Variants in COL18A1 observed in about 807,000 individuals in gnomAD.
The protein encoded by COL18A1 is collagen type XVIII alpha 1 chain, also known as collagen alpha-1(XVIII) chain.
Under a neutral mutation model 168.0 loss-of-function variants are expected in COL18A1, and 133 were observed. The ratio of observed to expected loss-of-function variants is 0.79; its 90% CI spans 0.69 to 0.91. The LOEUF (loss-of-function observed/expected upper bound fraction) is 0.91, where lower values mean the gene tolerates loss of function less well. Among genes scored for constraint, COL18A1 ranks in the 40% least tolerant of loss-of-function variants. The pLI is 0.00. For missense variants in COL18A1, 2,126 were observed against 1,925.4 expected, an observed-to-expected ratio of 1.10 and a Z score of -1.95; for synonymous variants, 949 against 809.0, an observed-to-expected ratio of 1.17 and a Z score of -2.94.
intron 5 of COL18A1, among the ~76,000 whole-genome samples, 182 bp from the exon 6 acceptor site, chr21:45,476,169 G>A (rs868607670): frequency 6.6e-6 from 1 of 152,234 alleles, no homozygotes; most frequent in Non-Finnish European, 1.5e-5. Flanking sequence ...GCCCACAGGC[G>A]GCCACACCCC....
intron 2 of COL18A1, among the ~76,000 whole-genome samples, chr21:45,452,489 A>G (rs903238331): frequency 2.0e-5 from 3 of 149,300 alleles, no homozygotes; most frequent in Admixed American, 6.7e-5. Context: ...GTGTTTCTGT[A>G]TGCATGTGTG....
chr21:45,506,021 TG>T, intron 37 of COL18A1, 55 bp downstream of exon 37: 1 of 1,611,572 alleles, frequency 6.2e-7, no homozygotes, highest in Non-Finnish European at 8.5e-7. Context: ...AGCCGCCTCC[TG>T]GGGCTTAAGG....
chr21:45,456,874 G>C (rs75820935), intron 2 of COL18A1: 1 of 1,444,230 alleles, frequency 6.9e-7, no homozygotes, highest in South Asian at 1.5e-5. Flanking sequence ...TCATTGGGCC[G>C]GCTGCAGGTA....
intron 22 of COL18A1, among the ~76,000 whole-genome samples, chr21:45,492,268 G>A (rs1044324472): frequency 9.2e-5 from 14 of 152,190 alleles, no homozygotes; most frequent in African/African-American, 3.1e-4. Context: ...CGGCAAGCAA[G>A]GGAGCGTCTA....
At chr21:45,501,560 G>A (rs941773766) in intron 32 of COL18A1, among the ~76,000 whole-genome samples, 1 of 152,144 alleles carries the variant, frequency 6.6e-6, no homozygotes, top group Non-Finnish European at 1.5e-5. Flanking sequence ...GAAACCCCTG[G>A]GAGCTTAGGT....
Position 45,480,806 on chromosome 21 carries a change from G to T in COL18A1, c.1559G>T (p.Gly520Val), listed in dbSNP as rs897186381. The T allele has an allele frequency of 6.2e-7, 1 of 1,611,874 alleles. No individual in the cohort carries two copies. Among genetic ancestry groups the T allele is most frequent in the Non-Finnish European group, 8.5e-7 (1 of 1,179,746 alleles). ...VNSSDVPGPA[G>V]LPGVPGREGP... Reference sequence around the variant, plus strand: ...AGCTCCGACGTCCCAGGACCCGCCGGCCTTCCTGGTGTGCCTGGGCGCGAG... The same window carrying T: ...AGCTCCGACGTCCCAGGACCCGCCGTCCTTCCTGGTGTGCCTGGGCGCGAG... The change falls in exon 13 of 42, where the codon GGC becomes GTC. Residue 520 changes from glycine (G) to valine (V), a missense_variant. Physicochemically the swap from Gly to Val is moderately radical, Grantham distance 109. Coordinates refer to ENST00000651438, the MANE Select transcript of COL18A1 (RefSeq NM_001379500.1).
At chr21:45,472,224 T>A (rs565780238) in intron 3 of COL18A1, among the ~76,000 whole-genome samples, 1 of 151,922 alleles carries the variant, frequency 6.6e-6, no homozygotes, top group African/African-American at 2.4e-5. Flanking sequence ...CGCAGTTTTT[T>A]TTTTTTGTTT....
At position 45,468,493 on chromosome 21, in the gene COL18A1, T is replaced by G; in HGVS notation, c.358T>G (p.Leu120Val). The change falls in exon 3 of 42, where the codon TTG becomes GTG. Residue 120 changes from leucine (L) to valine (V), a missense_variant. By Grantham distance (32) the Leu-to-Val change is conservative. Coordinates refer to ENST00000651438, the MANE Select transcript of COL18A1 (RefSeq NM_001379500.1). ...CACGGACTCGGCGCAGGCCATGGTC[T>G]TGCTGGGCGTGAAGCTCTCTGGGGT... ...AITDSAQAMVLLGVKLSGVQD... is the reference protein window; with the variant it reads ...AITDSAQAMVVLGVKLSGVQD... The G allele has an allele frequency of 6.2e-7, 1 of 1,613,860 alleles. No homozygotes were observed. The highest frequency in any genetic ancestry group is 8.5e-7 in the Non-Finnish European group (1 of 1,179,988).
intron 22 of COL18A1, among the ~76,000 whole-genome samples, chr21:45,491,911 G>A (rs2036366730): frequency 6.7e-6 from 1 of 150,240 alleles, no homozygotes; most frequent in Non-Finnish European, 1.5e-5. Context: ...AGCAGAGCTG[G>A]GTGTGGCCAG....
chr21:45,455,301 G>T (rs1602419194), intron 2 of COL18A1, among the ~76,000 whole-genome samples: 1 of 152,248 alleles, frequency 6.6e-6, no homozygotes, highest in African/African-American at 2.4e-5. Flanking sequence ...GCTGCTGCAG[G>T]GCCGTGGGAA....
intron 15 of COL18A1, among the ~76,000 whole-genome samples, chr21:45,483,994 ATG>A (rs1391321001): frequency 9.1e-6 from 1 of 110,344 alleles, no homozygotes; most frequent in Non-Finnish European, 1.8e-5. Context: ...ATATGTACAC[ATG>A]CACACACACC....
In COL18A1 at chr21:45,487,536, G is replaced by T. The variant is rs2036158442; in HGVS notation, c.1896+27G>T. ...TAGTGTTGTGAGCTGGGCGTGGCCG[G>T]CTCTGAGGGGTAAGGGGGTGTTGCC... On this transcript the variant is annotated intron_variant, in intron 17 of 41. Coordinates refer to ENST00000651438, the MANE Select transcript of COL18A1 (RefSeq NM_001379500.1). 5.0e-6 allele frequency: 8 copies of T among 1,611,422 alleles called. No homozygotes were observed. In the East Asian group the frequency reaches 1.8e-4, roughly 36 times the overall value.
intron 2 of COL18A1, chr21:45,456,436 T>C (rs1270699600): frequency 1.9e-6 from 3 of 1,544,150 alleles, no homozygotes; most frequent in Non-Finnish European, 2.6e-6. Context: ...GGGACAGCGG[T>C]GCTTGGGTCT....
At chr21:45,420,004 A>G (rs2033569680) in intron 2 of COL18A1, 1 of 152,188 alleles carries the variant, frequency 6.6e-6, no homozygotes, top group East Asian at 1.9e-4. Context: ...ACAAATAATA[A>G]AAAGCAGCTT....
At chr21:45,511,822 C>A (rs959961170) in intron 41 of COL18A1, among the ~76,000 whole-genome samples, 13 of 152,330 alleles carry the variant, frequency 8.5e-5, no homozygotes, top group Admixed American at 7.8e-4. Context: ...CAGGGCTGGG[C>A]CCCAGGGAAG....
At chr21:45,488,062 C>T (rs1031581206) in intron 17 of COL18A1, among the ~76,000 whole-genome samples, 8 of 152,314 alleles carry the variant, frequency 5.3e-5, no homozygotes, top group Admixed American at 1.3e-4. Context: ...ACACCACCAG[C>T]GCTCTCGTGG....
chr21:45,479,655 T>C (rs963220335), intron 9 of COL18A1, among the ~76,000 whole-genome samples: 15 of 152,266 alleles, frequency 9.9e-5, no homozygotes, highest in African/African-American at 3.6e-4. Context: ...TGTGGAGGCC[T>C]TCGGGGAACC....
intron 38 of COL18A1, among the ~76,000 whole-genome samples, chr21:45,509,107 C>T (rs1028892590): frequency 8.5e-5 from 13 of 152,230 alleles, no homozygotes; most frequent in Middle Eastern, 3.4e-3. Flanking sequence ...GTGATTGCTG[C>T]GGCTTCTGAG....
At chr21:45,507,863 CCCT>C (rs1236287821) in intron 38 of COL18A1, among the ~76,000 whole-genome samples, 1 of 152,238 alleles carries the variant, frequency 6.6e-6, no homozygotes, top group Non-Finnish European at 1.5e-5. Flanking sequence ...CCGCTCATTG[CCCT>C]CCTCAAGGTC....
Sources: allele counts gnomAD v4.1 joint callset (sites outside exome capture counted in the v4.1 genomes callset), GRCh38; gene constraint gnomAD v4.1.1; transcripts MANE v1.5; gene names NCBI Gene and HGNC (gene_info 2026-07-23, HGNC 2026-07-21).